POLR1D: variants seen among roughly 807,000 people sequenced by gnomAD.
POLR1D encodes the protein DNA-directed RNA polymerases I and III subunit RPAC2.
POLR1D carries 8 observed loss-of-function variants against 10.8 expected under a neutral mutation model. The ratio of observed to expected loss-of-function variants is 0.74; its 90% CI spans 0.43 to 1.33. The LOEUF (loss-of-function observed/expected upper bound fraction) is 1.33, where lower values mean the gene tolerates loss of function less well. Among genes scored for constraint, POLR1D ranks in the 40% most tolerant of loss-of-function variants. The pLI, the probability that POLR1D is intolerant of heterozygous loss-of-function variation, is 0.01. For missense variants in POLR1D, 152 were observed against 161.7 expected (o/e 0.94, Z 0.32); for synonymous variants, 54 against 57.2 (o/e 0.94, Z 0.25).
At chr13:27,655,076 A>T (rs1337521072) in intron 2 of POLR1D, among the ~76,000 whole-genome samples, 1 of 152,190 alleles carries the variant, frequency 6.6e-6, no homozygotes, top group East Asian at 1.9e-4. Context: ...CTAGGAGGAG[A>T]AAAAAGGAGA....
intron 1 of POLR1D, among the ~76,000 whole-genome samples, chr13:27,641,909 A>G (rs1460641261): frequency 1.3e-5 from 2 of 152,132 alleles, no homozygotes; most frequent in Admixed American, 6.6e-5. Context: ...AAGCCATGTT[A>G]TGTCTCTGGA....
intron 1 of POLR1D, 57 bp downstream of exon 1, chr13:27,622,066 C>G (rs1326448784): frequency 2.0e-6 from 3 of 1,481,718 alleles, no homozygotes; most frequent in Non-Finnish European, 2.8e-6. Flanking sequence ...AGCGGGTGGC[C>G]GAGGGGCACG....
intron 2 of POLR1D, among the ~76,000 whole-genome samples, chr13:27,659,795 C>G (rs779763685): frequency 8.5e-5 from 13 of 152,078 alleles, no homozygotes; most frequent in Non-Finnish European, 1.6e-4. Flanking sequence ...ACTTTGACTT[C>G]CCCTACCTTC....
chr13:27,644,786 G>A (rs1312623417), intron 1 of POLR1D, among the ~76,000 whole-genome samples: 1 of 152,058 alleles, frequency 6.6e-6, no homozygotes, highest in Non-Finnish European at 1.5e-5. Flanking sequence ...TGCTTTTCCT[G>A]TATTTTAATT....
intron 1 of POLR1D, among the ~76,000 whole-genome samples, chr13:27,634,556 T>G (rs1298318111): frequency 1.3e-5 from 2 of 152,276 alleles, no homozygotes; most frequent in East Asian, 3.9e-4. Context: ...AGGTAGATAG[T>G]GTCTTTTCCC....
upstream of POLR1D, chr13:27,621,772 A>G (rs1199498134): frequency 5.0e-6 from 2 of 398,236 alleles, no homozygotes; most frequent in African/African-American, 4.2e-5. Context: ...GCCACCGCTC[A>G]CCCCGCGTCG....
At chr13:27,653,297 C>T (rs1014145125) in intron 2 of POLR1D, among the ~76,000 whole-genome samples, 12 of 152,056 alleles carry the variant, frequency 7.9e-5, no homozygotes, top group Admixed American at 6.5e-4. Flanking sequence ...TTTTCATAGG[C>T]AGTTGCGTGG....
chr13:27,651,279 A>C (rs888927694), intron 2 of POLR1D: 1 of 152,128 alleles, frequency 6.6e-6, no homozygotes, highest in African/African-American at 2.4e-5. Flanking sequence ...TTTCTTTAAC[A>C]AATGAATTGC....
chr13:27,622,007 G>A lies in POLR1D; in HGVS notation c.24G>A (p.Glu8=), dbSNP rs1190644767. The change falls in exon 1 of 2, where the codon GAG becomes GAA. Residue 8 remains glutamate, a splice_region_variant and synonymous_variant. Coordinates refer to ENST00000302979, the MANE Select transcript of POLR1D (RefSeq NM_015972.4). ...CGATGGAAGAGGATCAGGAGCTGGAGAGGTAACGGCCGAGGAGGAGGCGGG... is the reference window on the plus strand; with the variant it reads ...CGATGGAAGAGGATCAGGAGCTGGAAAGGTAACGGCCGAGGAGGAGGCGGG... The part of the protein sequence containing the change: MEEDQEL[E]RKISGLKTSM... 1.3e-6 allele frequency: 2 copies of A among 1,590,198 alleles called. No homozygotes were observed. Among genetic ancestry groups the A allele is most frequent in the African/African-American group, 1.3e-5 (1 of 74,764 alleles).
At chr13:27,645,568 TTC>T (rs1566148579) in intron 1 of POLR1D, among the ~76,000 whole-genome samples, 1 of 151,420 alleles carries the variant, frequency 6.6e-6, no homozygotes, top group Non-Finnish European at 1.5e-5. Flanking sequence ...GCTCTATATC[TTC>T]ATTAGTTGTT....
exon 3 of POLR1D, chr13:27,665,817 A>C: frequency 6.2e-7 from 1 of 1,614,246 alleles, no homozygotes; most frequent in South Asian, 1.1e-5. Flanking sequence ...AGCCAGGCCC[A>C]GAAAGAAGAA....
chr13:27,624,486 AAG>A (rs1291399972), downstream of POLR1D, among the ~76,000 whole-genome samples: 10 of 152,176 alleles, frequency 6.6e-5, no homozygotes, highest in Non-Finnish European at 1.3e-4. Flanking sequence ...AAATTCTTTA[AAG>A]AGATATCCAT....
upstream of POLR1D, chr13:27,621,728 C>T: frequency 3.2e-6 from 1 of 308,110 alleles, no homozygotes; most frequent in East Asian, 5.6e-5. Flanking sequence ...CGAGTGGCCT[C>T]GCGTGGTCGC....
chr13:27,634,803 G>A (rs1159930832), intron 1 of POLR1D, among the ~76,000 whole-genome samples: 1 of 151,548 alleles, frequency 6.6e-6, no homozygotes, highest in Non-Finnish European at 1.5e-5. Context: ...AGCCTCCCAA[G>A]TAGCTGGGAC....
chr13:27,641,066 TA>T (rs1956168794), intron 1 of POLR1D, among the ~76,000 whole-genome samples: 1 of 152,118 alleles, frequency 6.6e-6, no homozygotes. Flanking sequence ...TTTGCTTCTT[TA>T]AAAAAAATTT....
chr13:27,640,147 C>T (rs1956161262), intron 1 of POLR1D, among the ~76,000 whole-genome samples: 1 of 152,154 alleles, frequency 6.6e-6, no homozygotes, highest in African/African-American at 2.4e-5. Flanking sequence ...AATTTTTCAT[C>T]ATGTCCCAGT....
chr13:27,639,008 G>T (rs1456226204), intron 1 of POLR1D, among the ~76,000 whole-genome samples: 1 of 151,998 alleles, frequency 6.6e-6, no homozygotes, highest in Non-Finnish European at 1.5e-5. Flanking sequence ...GCTATTTGGT[G>T]AGAGTCTGAA....
intron 1 of POLR1D, among the ~76,000 whole-genome samples, chr13:27,640,430 A>G (rs1367224956): frequency 6.6e-6 from 1 of 152,204 alleles, no homozygotes; most frequent in Non-Finnish European, 1.5e-5. Context: ...AACTGCAGAA[A>G]AGTTAAAAAA....
chr13:27,659,705 G>A lies in POLR1D; in HGVS notation c.102-5981G>A, dbSNP rs183887934. On this transcript the variant is annotated intron_variant, in intron 2 of 2. Transcript: ENST00000399697. ...GCACATATCTATGTAAATGATTTGC[G>A]TTGCTGAGGGAGCTGGAGGCCGAGG... 4.8e-4 allele frequency among the ~76,000 whole-genome samples: 73 copies of A among 152,184 alleles called. 2 individuals are homozygous for A. The East Asian group carries it at 0.012, about 25-fold the overall frequency.
Sources: allele counts gnomAD v4.1 joint callset (sites outside exome capture counted in the v4.1 genomes callset), GRCh38; gene constraint gnomAD v4.1.1; transcripts MANE v1.5; gene names NCBI Gene and HGNC (gene_info 2026-07-23, HGNC 2026-07-21).